The following ASMTL variants were observed in gnomAD, a reference collection of about 807,000 sequenced individuals.
ASMTL encodes the protein probable bifunctional dTTP/UTP pyrophosphatase/methyltransferase protein.
Under a neutral mutation model 60.3 loss-of-function variants are expected in ASMTL, and 57 were observed. That is an observed-to-expected ratio of 0.95 (90% CI 0.76 to 1.18). The LOEUF is 1.18. ASMTL is among the 50% of genes most tolerant of loss of function. ASMTL has a pLI of 0.00. For missense variants in ASMTL, 981 were observed against 852.6 expected (o/e 1.15, Z -1.88); for synonymous variants, 419 against 373.0 (o/e 1.12, Z -1.42).
chrX:1,427,772 G>A lies in ASMTL; in HGVS notation c.859C>T (p.Arg287Cys), dbSNP rs200072902. The change falls in exon 7 of 13, where the codon CGC becomes TGC. Residue 287 changes from arginine to cysteine, a missense_variant. Coordinates refer to ENST00000381317, the MANE Select transcript of ASMTL (RefSeq NM_004192.4). ...AAGCCCTCAATCAGCTCCAGGAGGC[G>A]TGTCGGGAACGGAGGCAGGGTCTCC... ...TRETLPPFPTRLLELIEGFML... is the reference protein window; with the variant it reads ...TRETLPPFPTCLLELIEGFML... The A allele has an allele frequency of 1.0e-4, 161 of 1,612,932 alleles. No homozygotes were observed. Among genetic ancestry groups the A allele is most frequent in the Non-Finnish European group, 1.3e-4 (149 of 1,179,516 alleles).
chrX:1,435,244 C>T (rs1233756050), intron 4 of ASMTL, 161 bp from the exon 5 acceptor site: 54 of 785,360 alleles, frequency 6.9e-5, no homozygotes, highest in Admixed American at 1.3e-4. Context: ...CCAGGGAAAC[C>T]TTTACGGAGA....
At chrX:1,404,520 ATGGT>A (rs1357360957) in intron 12 of ASMTL, among the ~76,000 whole-genome samples, 6 of 146,998 alleles carry the variant, frequency 4.1e-5, no homozygotes, top group Admixed American at 6.8e-5. Flanking sequence ...ATAGTAGATG[ATGGT>A]TAGGTAAGTA....
rs753052317 is a variant in ASMTL at position 1,425,437 on chromosome X, C to T, written c.1060+88G>A. On this transcript the variant is annotated intron_variant, in intron 8 of 12. Transcript: ENST00000381317. ...AGGGACAGAAGGTGTGGGCCTCCTT[C>T]CTCGCTCTGCCCAGGCTCCAGGTCA... 595 of 1,472,786 alleles carry T rather than the reference C, an allele frequency of 4.0e-4. 7 individuals are homozygous for T. The African/African-American group carries it at 7.7e-3, about 19-fold the overall frequency. The allele number at this position is 1,472,786 out of a possible 1,614,324, so 91.2% of individuals were successfully genotyped here. A position where few individuals can be genotyped will look rare whatever the true frequency, so the allele number is the denominator to read the frequency against.
intron 9 of ASMTL, among the ~76,000 whole-genome samples, chrX:1,421,113 T>C (rs1164637185): frequency 1.3e-5 from 2 of 151,936 alleles, no homozygotes; most frequent in African/African-American, 2.4e-5. Context: ...GCACGCGCCA[T>C]CATCCCCAGC....
chrX:1,447,287 T>C (rs1172393247), intron 1 of ASMTL, among the ~76,000 whole-genome samples: 3 of 152,206 alleles, frequency 2.0e-5, no homozygotes, highest in Non-Finnish European at 4.4e-5. Context: ...CACACTGCCA[T>C]CTTGGACCCA....
intron 8 of ASMTL, among the ~76,000 whole-genome samples, chrX:1,424,945 T>C (rs753697915): frequency 4.1e-5 from 3 of 72,772 alleles, no homozygotes; most frequent in Admixed American, 3.4e-4. Flanking sequence ...GATCAATCCA[T>C]CTGTCCATCC....
rs779340833 is a variant in ASMTL at position 1,432,258 on chromosome X, C to G, written c.509+11G>C. The G allele has an allele frequency of 6.2e-7, 1 of 1,603,298 alleles. No individual in the cohort carries two copies. Among genetic ancestry groups the G allele is most frequent in the Non-Finnish European group, 8.5e-7 (1 of 1,172,648 alleles). Reference sequence around the variant, plus strand: ...CGTGTCCCCCGTCCCCCCACCGCCCCCGAGACTCACATGGGCTCCCCGCTG... The same window carrying G: ...CGTGTCCCCCGTCCCCCCACCGCCCGCGAGACTCACATGGGCTCCCCGCTG... On this transcript the variant is annotated intron_variant, in intron 6 of 12. Transcript: ENST00000381317.
intron 6 of ASMTL, among the ~76,000 whole-genome samples, chrX:1,429,115 G>A (rs372853689): frequency 1.3e-5 from 2 of 151,586 alleles, no homozygotes; most frequent in African/African-American, 4.9e-5. Context: ...CGATGGTCTC[G>A]AACTCCTGAC....
At chrX:1,421,636 G>A in intron 9 of ASMTL, 22 bp downstream of exon 9, 1 of 1,613,428 alleles carries the variant, frequency 6.2e-7, no homozygotes, top group South Asian at 1.1e-5. Flanking sequence ...ACGGAAAGGT[G>A]TCCGCGGGGG....
chrX:1,420,284 T>C (rs1199450898), intron 9 of ASMTL, among the ~76,000 whole-genome samples: 1 of 151,092 alleles, frequency 6.6e-6, no homozygotes, highest in Non-Finnish European at 1.5e-5. Flanking sequence ...TCTGTCTTTC[T>C]GTCTCCCTGT....
At position 1,419,128 on chromosome X, in the gene ASMTL, G is replaced by C. The variant is rs781216330; in HGVS notation, c.1246-14C>G. The C allele has an allele frequency of 1.4e-5, 23 of 1,610,204 alleles. No individual in the cohort carries two copies. In the South Asian group the frequency reaches 2.2e-4, roughly 15 times the overall value. ...GTAGTACGCATCCTGGAACACAGCA[G>C]GTGCTTAGGGGCACCAGAGAACACG... On this transcript the variant is annotated splice_polypyrimidine_tract_variant and intron_variant, in intron 9 of 12. Coordinates refer to ENST00000381317, the MANE Select transcript of ASMTL (RefSeq NM_004192.4).
At chrX:1,432,047 C>T (rs748896221) in intron 6 of ASMTL, 2 of 591,314 alleles carry the variant, frequency 3.4e-6, no homozygotes, top group African/African-American at 1.9e-5. Context: ...CGTTGGCTCC[C>T]ACCCTGCCCC....
intron 7 of ASMTL, among the ~76,000 whole-genome samples, chrX:1,426,192 G>A (rs2149311836): frequency 6.6e-6 from 1 of 152,202 alleles, no homozygotes; most frequent in East Asian, 1.9e-4. Context: ...GGCCTCAGGA[G>A]GAACCAGCCC....
rs1160762817 is a variant in ASMTL at position 1,414,847 on chromosome X, G to A, written c.1523-1993C>T. Reference sequence around the variant, plus strand: ...ACGAGAAAAGCATCCAGGAACCTCTGGGGGAGGGTTGTGGAGGTCCCCAGC... The same window carrying A: ...ACGAGAAAAGCATCCAGGAACCTCTAGGGGAGGGTTGTGGAGGTCCCCAGC... On this transcript the variant is annotated intron_variant, in intron 11 of 12. Coordinates refer to ENST00000381317, the MANE Select transcript of ASMTL (RefSeq NM_004192.4). 7.6e-4 allele frequency among the ~76,000 whole-genome samples: 115 copies of A among 152,276 alleles called. 1 individual carries two copies. Among genetic ancestry groups the A allele is most frequent in the African/African-American group, 2.4e-3 (98 of 41,558 alleles).
chrX:1,429,778 C>T (rs185993743), intron 6 of ASMTL, among the ~76,000 whole-genome samples: 2 of 151,112 alleles, frequency 1.3e-5, no homozygotes, highest in African/African-American at 2.4e-5. Flanking sequence ...GCCTGGGTGA[C>T]GGAGGAAGAC....
At chrX:1,453,015 G>T (rs1160227825), upstream of ASMTL, 11 of 535,634 alleles carry the variant, frequency 2.1e-5, no homozygotes, top group South Asian at 1.4e-4. Flanking sequence ...CCGCGAGACC[G>T]CGCCCAGGCC....
chrX:1,425,708 G>A, intron 7 of ASMTL, 21 bp from the exon 8 acceptor site: 1 of 1,611,324 alleles, frequency 6.2e-7, no homozygotes, highest in Non-Finnish European at 8.5e-7. Flanking sequence ...CAAGTGCAGA[G>A]AGACTCATTA....
intron 1 of ASMTL, among the ~76,000 whole-genome samples, chrX:1,444,003 A>G: frequency 6.6e-6 from 1 of 152,184 alleles, no homozygotes; most frequent in South Asian, 2.1e-4. Flanking sequence ...AAAACTGCCT[A>G]AATCCAGCCC....
intron 6 of ASMTL, among the ~76,000 whole-genome samples, chrX:1,431,379 GATT>G (rs2058243900): frequency 7.7e-6 from 1 of 129,088 alleles, no homozygotes; most frequent in Non-Finnish European, 1.6e-5. Flanking sequence ...AATTATAATC[GATT>G]ATAACTACCT....
Sources: gnomAD v4.1 joint callset for allele counts (sites outside exome capture counted in the v4.1 genomes callset) on GRCh38, gnomAD v4.1.1 for gene constraint, MANE v1.5 for transcripts, NCBI Gene and HGNC (gene_info 2026-07-23, HGNC 2026-07-21) for gene names.